SDK1: variants seen among roughly 807,000 people sequenced by gnomAD.
SDK1 encodes sidekick cell adhesion molecule 1.
Under a neutral mutation model 245.5 loss-of-function variants are expected in SDK1, and 157 were observed. The observed-to-expected ratio is 0.64, with a 90% CI of 0.56 to 0.73. SDK1 has a LOEUF of 0.73. Among genes scored for constraint, SDK1 ranks in the 30% least tolerant of loss-of-function variants. SDK1 has a pLI of 0.00. For synonymous variants in SDK1, 1,647 were observed against 1,278.5 expected (o/e 1.29, Z -6.15); for missense variants, 3,583 against 3,002.3 (o/e 1.19, Z -4.52).
rs111914589 is a variant in SDK1, at chr7:3,727,944, A to G, written c.713+85839A>G. On this transcript the variant is annotated intron_variant, in intron 4 of 44. Transcript: ENST00000404826. ...TTACATTTAGTCACTGTATTTCCTT[A>G]GGTTTTTCCAGTCTCTGGCAGTTTC... 4.0e-3 allele frequency among the ~76,000 whole-genome samples: 609 copies of G among 152,240 alleles called. 9 individuals are homozygous for G. Among genetic ancestry groups the G allele is most frequent in the African/African-American group, 0.014 (561 of 41,540 alleles).
intron 5 of SDK1, among the ~76,000 whole-genome samples, chr7:3,855,781 A>G (rs536994960): frequency 4.9e-4 from 74 of 152,330 alleles, no homozygotes; most frequent in Admixed American, 1.1e-3. Context: ...CCTGGGGTGG[A>G]TGTGGAGGCT....
At chr7:3,966,736 AGTACAGTG>A (rs1408560266) in intron 9 of SDK1, among the ~76,000 whole-genome samples, 3 of 151,886 alleles carry the variant, frequency 2.0e-5, no homozygotes, top group Non-Finnish European at 4.4e-5. Flanking sequence ...CCCAGGCTGT[AGTACAGTG>A]GCACGATCAT....
chr7:3,590,477 G>T (rs1431421162), intron 1 of SDK1, among the ~76,000 whole-genome samples: 4 of 151,986 alleles, frequency 2.6e-5, no homozygotes, highest in African/African-American at 9.7e-5. Flanking sequence ...GTGAATTGAC[G>T]ATTTAAGATA....
chr7:3,376,905 G>T (rs1184349474), intron 1 of SDK1, among the ~76,000 whole-genome samples: 2 of 150,684 alleles, frequency 1.3e-5, no homozygotes, highest in Admixed American at 1.3e-4. Context: ...GTTCCTCTTG[G>T]ACTTTCCTGG....
chr7:3,751,272 CA>C (rs1360584622), intron 4 of SDK1, among the ~76,000 whole-genome samples: 6 of 152,168 alleles, frequency 3.9e-5, no homozygotes, highest in Non-Finnish European at 7.3e-5. Context: ...CTCAAGGTAT[CA>C]AATAAGAGAG....
chr7:4,066,654 G>T (rs950396210), intron 19 of SDK1, among the ~76,000 whole-genome samples: 4 of 152,208 alleles, frequency 2.6e-5, no homozygotes, highest in African/African-American at 7.2e-5. Flanking sequence ...TCACCACACA[G>T]TGTGGGCTGG....
At chr7:3,476,494 A>G (rs1486234001) in intron 1 of SDK1, among the ~76,000 whole-genome samples, 1 of 152,196 alleles carries the variant, frequency 6.6e-6, no homozygotes, top group Non-Finnish European at 1.5e-5. Context: ...GCCGAATGAT[A>G]CAACTTAGTG....
intron 1 of SDK1, among the ~76,000 whole-genome samples, chr7:3,566,698 T>C (rs1465423251): frequency 7.1e-6 from 1 of 140,414 alleles, no homozygotes; most frequent in Non-Finnish European, 1.5e-5. Flanking sequence ...AATCTTTGTC[T>C]AGAACTGCAA....
intron 5 of SDK1, among the ~76,000 whole-genome samples, chr7:3,912,161 G>T (rs1779192737): frequency 6.6e-6 from 1 of 152,188 alleles, no homozygotes; most frequent in Admixed American, 6.5e-5. Context: ...AAGCCGAGGA[G>T]CTACGTGATG....
intron 38 of SDK1, among the ~76,000 whole-genome samples, chr7:4,211,641 G>C (rs1381054365): frequency 1.3e-5 from 2 of 152,102 alleles, no homozygotes; most frequent in Non-Finnish European, 2.9e-5. Context: ...ACGGAGTCTT[G>C]CTCTGTCTCC....
At chr7:4,264,415 CCGCGTGGACCTCTCCTGG>C in intron 44 of SDK1, among the ~76,000 whole-genome samples, 1 of 137,240 alleles carries the variant, frequency 7.3e-6, no homozygotes, top group East Asian at 2.2e-4. Context: ...GTAAGGAAGG[CCGCGTGGACCTCTCCTGG>C]GGTAAGGAAG....
At chr7:3,477,731 C>A (rs186782609) in intron 1 of SDK1, among the ~76,000 whole-genome samples, 47 of 152,070 alleles carry the variant, frequency 3.1e-4, no homozygotes, top group South Asian at 1.9e-3. Flanking sequence ...TCAGGCTTGT[C>A]CCGAACCTCT....
intron 1 of SDK1, among the ~76,000 whole-genome samples, chr7:3,579,579 C>G (rs1206767033): frequency 6.6e-6 from 1 of 152,134 alleles, no homozygotes; most frequent in African/African-American, 2.4e-5. Flanking sequence ...ATTGAATGGG[C>G]AAAAGCTGGA....
intron 17 of SDK1, among the ~76,000 whole-genome samples, chr7:4,040,644 A>G (rs956641132): frequency 1.3e-5 from 2 of 152,188 alleles, no homozygotes; most frequent in Admixed American, 6.5e-5. Flanking sequence ...TACATAGGGC[A>G]TGAAAGATTG....
chr7:3,856,647 C>CCT (rs1780554202), intron 5 of SDK1, among the ~76,000 whole-genome samples: 1 of 151,804 alleles, frequency 6.6e-6, no homozygotes, highest in Non-Finnish European at 1.5e-5. Context: ...AAAAATTAGC[C>CCT]AGGCATGGTG....
chr7:3,577,010 G>A (rs181527131), intron 1 of SDK1, among the ~76,000 whole-genome samples: 6 of 151,706 alleles, frequency 4.0e-5, no homozygotes, highest in South Asian at 2.1e-4. Context: ...ATTTTTCATC[G>A]ATGCCCTTGT....
intron 1 of SDK1, among the ~76,000 whole-genome samples, chr7:3,612,379 T>C (rs191981609): frequency 6.6e-6 from 1 of 152,224 alleles, no homozygotes; most frequent in Admixed American, 6.5e-5. Flanking sequence ...TTGAAAATCA[T>C]AATTGTTGTC....
intron 4 of SDK1, among the ~76,000 whole-genome samples, chr7:3,752,653 T>G (rs1779806359): frequency 6.6e-6 from 1 of 152,204 alleles, no homozygotes; most frequent in Admixed American, 6.5e-5. Context: ...CTGGATAGTA[T>G]AATCTTTTTT....
At chr7:3,910,012 T>G (rs532660975) in intron 5 of SDK1, among the ~76,000 whole-genome samples, 266 of 152,318 alleles carry the variant, frequency 1.7e-3, no homozygotes, top group Non-Finnish European at 3.2e-3. Flanking sequence ...AAAGCGCTCA[T>G]GGATGGAAAG....
Sources: allele counts gnomAD v4.1 joint callset (sites outside exome capture counted in the v4.1 genomes callset), GRCh38; gene constraint gnomAD v4.1.1; transcripts MANE v1.5; gene names NCBI Gene and HGNC (gene_info 2026-07-23, HGNC 2026-07-21).